The following ROBO1 variants were observed in gnomAD, a reference collection of about 807,000 sequenced individuals.
ROBO1 encodes the protein roundabout homolog 1.
A neutral mutation model predicts 195.9 loss-of-function variants in ROBO1; 149 were observed. That is an observed-to-expected ratio of 0.76 (90% CI 0.67 to 0.87). The LOEUF (loss-of-function observed/expected upper bound fraction) is 0.87, where lower values mean the gene tolerates loss of function less well. ROBO1 is among the 40% of genes least tolerant of loss of function. The pLI, the probability that ROBO1 is intolerant of heterozygous loss-of-function variation, is 0.00. For synonymous variants in ROBO1, 816 were observed against 733.2 expected, an observed-to-expected ratio of 1.11 and a Z score of -1.82; for missense variants, 1,933 against 2,068.3, an observed-to-expected ratio of 0.93 and a Z score of 1.27.
chr3:78,831,133 G>A (rs1054735419), intron 4 of ROBO1, among the ~76,000 whole-genome samples: 21 of 151,822 alleles, frequency 1.4e-4, no homozygotes, highest in African/African-American at 4.1e-4. Context: ...GGCTGGTCTC[G>A]AACTCCTGAC....
intron 3 of ROBO1, among the ~76,000 whole-genome samples, chr3:78,987,375 G>C (rs2108030569): frequency 6.6e-6 from 1 of 152,142 alleles, no homozygotes; most frequent in South Asian, 2.1e-4. Context: ...GGGGTTTGGG[G>C]CAGGGAGACT....
At chr3:79,097,709 C>T (rs1431282342) in intron 3 of ROBO1, among the ~76,000 whole-genome samples, 1 of 151,644 alleles carries the variant, frequency 6.6e-6, no homozygotes, top group East Asian at 1.9e-4. Context: ...GGAAAAAAAG[C>T]ATCATTAAGC....
chr3:79,026,095 C>T (rs1437305755), intron 3 of ROBO1, among the ~76,000 whole-genome samples: 1 of 152,020 alleles, frequency 6.6e-6, no homozygotes, highest in Non-Finnish European at 1.5e-5. Context: ...TTACATATTG[C>T]TGACTGATCA....
At chr3:79,757,519 A>ATATATG in intron 1 of ROBO1, among the ~76,000 whole-genome samples, 1 of 151,136 alleles carries the variant, frequency 6.6e-6, no homozygotes, top group Non-Finnish European at 1.5e-5. Flanking sequence ...CCATATATAT[A>ATATATG]TATGCCATCC....
chr3:79,588,114 C>T lies in ROBO1; in HGVS notation c.88+1710G>A, dbSNP rs1049291264. On this transcript the variant is annotated intron_variant, in intron 2 of 30. Coordinates refer to ENST00000464233, the MANE Select transcript of ROBO1 (RefSeq NM_002941.4). ...TAACTAACTGATAACCAAACTATCA[C>T]CTTTGTAACCAATGTACATATTAAA... 2.0e-4 allele frequency among the ~76,000 whole-genome samples: 31 copies of T among 151,622 alleles called. 1 individual carries two copies. The highest frequency in any genetic ancestry group is 3.7e-4 in the Non-Finnish European group (25 of 67,792).
At chr3:79,462,906 T>C (rs968080491) in intron 2 of ROBO1, among the ~76,000 whole-genome samples, 4 of 152,222 alleles carry the variant, frequency 2.6e-5, no homozygotes, top group Non-Finnish European at 2.9e-5. Context: ...ATAGTATACG[T>C]AGATACACTA....
chr3:79,644,863 A>G (rs1458120400), intron 1 of ROBO1, among the ~76,000 whole-genome samples: 1 of 152,126 alleles, frequency 6.6e-6, no homozygotes, highest in Non-Finnish European at 1.5e-5. Context: ...ATCAAGTTTC[A>G]TTTCTGACTG....
intron 2 of ROBO1, among the ~76,000 whole-genome samples, chr3:79,552,715 TTATA>T (rs1297393826): frequency 6.6e-6 from 1 of 152,088 alleles, no homozygotes; most frequent in Non-Finnish European, 1.5e-5. Flanking sequence ...AGATGGCAGT[TTATA>T]TAGGGAATAA....
At chr3:79,575,149 A>AAT (rs1312516929) in intron 2 of ROBO1, among the ~76,000 whole-genome samples, 2 of 47,602 alleles carry the variant, frequency 4.2e-5, no homozygotes, top group African/African-American at 1.1e-4. Context: ...CAAATATATA[A>AAT]ATATATATAT....
chr3:78,950,161 G>C (rs374206606), intron 3 of ROBO1, among the ~76,000 whole-genome samples: 6 of 152,078 alleles, frequency 3.9e-5, no homozygotes, highest in South Asian at 2.1e-4. Context: ...CCATTACTGG[G>C]TATATACCCA....
chr3:79,652,638 G>A (rs921080502), intron 1 of ROBO1, among the ~76,000 whole-genome samples: 3 of 151,996 alleles, frequency 2.0e-5, no homozygotes, highest in African/African-American at 7.2e-5. Context: ...TGCAACAAAT[G>A]TTAATTTTGA....
intron 3 of ROBO1, among the ~76,000 whole-genome samples, chr3:79,042,692 G>A (rs577573912): frequency 6.6e-6 from 1 of 152,204 alleles, no homozygotes; most frequent in Admixed American, 6.6e-5. Context: ...AATGAGAAAT[G>A]TGTCATAGAC....
chr3:78,641,318 C>T (rs545889440), intron 21 of ROBO1, among the ~76,000 whole-genome samples: 2 of 152,218 alleles, frequency 1.3e-5, no homozygotes, highest in Admixed American at 6.5e-5. Flanking sequence ...CTAGACTTTA[C>T]ACTCTAAGAT....
intron 4 of ROBO1, among the ~76,000 whole-genome samples, chr3:78,893,827 T>C (rs1046988882): frequency 3.9e-5 from 6 of 152,182 alleles, no homozygotes; most frequent in Admixed American, 3.9e-4. Context: ...CTCTAGGATC[T>C]GGTACTAGAA....
At chr3:78,716,888 G>A (rs1032435332) in intron 7 of ROBO1, among the ~76,000 whole-genome samples, 1 of 152,070 alleles carries the variant, frequency 6.6e-6, no homozygotes, top group African/African-American at 2.4e-5. Flanking sequence ...TATTTTAGCT[G>A]AGGAAAAGGA....
chr3:78,920,428 C>T (rs2038868752), intron 4 of ROBO1, among the ~76,000 whole-genome samples: 1 of 151,996 alleles, frequency 6.6e-6, no homozygotes, highest in Non-Finnish European at 1.5e-5. Flanking sequence ...CCTCAGCCTC[C>T]TGAGTAGCTA....
chr3:78,798,858 T>G (rs902774534), intron 4 of ROBO1, among the ~76,000 whole-genome samples: 2 of 152,186 alleles, frequency 1.3e-5, no homozygotes, highest in Admixed American at 1.3e-4. Context: ...ATTTAGTAGT[T>G]ACTTGGAGGT....
chr3:78,673,101 G>GT (rs751852369), intron 10 of ROBO1, among the ~76,000 whole-genome samples: 35 of 152,158 alleles, frequency 2.3e-4, no homozygotes, highest in Non-Finnish European at 3.7e-4. Context: ...GCCCCATATG[G>GT]TAAGTAGCTA....
chr3:79,237,839 G>A (rs1020289742), intron 2 of ROBO1, among the ~76,000 whole-genome samples: 3 of 152,118 alleles, frequency 2.0e-5, no homozygotes, highest in African/African-American at 7.2e-5. Flanking sequence ...TTCAGTCATG[G>A]TCACACCATG....
Sources: allele counts gnomAD v4.1 joint callset (sites outside exome capture counted in the v4.1 genomes callset), GRCh38; gene constraint gnomAD v4.1.1; transcripts MANE v1.5; gene names NCBI Gene and HGNC (gene_info 2026-07-23, HGNC 2026-07-21).